The following BRINP2 variants were observed in gnomAD, a reference collection of about 807,000 sequenced individuals.
BRINP2 encodes the protein BMP/retinoic acid inducible neural specific 2.
Under a neutral mutation model 69.2 loss-of-function variants are expected in BRINP2, and 21 were observed. The observed-to-expected ratio is 0.30, with a 90% CI of 0.22 to 0.44. BRINP2 has a LOEUF of 0.44. Ranked by LOEUF, BRINP2 falls within the 20% of genes least tolerant of loss-of-function variation. The probability of loss-of-function intolerance (pLI) is 1.00; values close to 1 mark genes in which losing one functional copy is unlikely to be tolerated. For missense variants in BRINP2, 877 were observed against 986.0 expected (o/e 0.89, Z 1.48); for synonymous variants, 380 against 394.1 (o/e 0.96, Z 0.42).
chr1:177,230,237 C>A (rs1175840983), intron 2 of BRINP2, 92 bp downstream of exon 2: 3 of 1,377,998 alleles, frequency 2.2e-6, no homozygotes, highest in Admixed American at 5.0e-5. Context: ...CCTAAACAGG[C>A]TGGAATGCCC....
At chr1:177,229,777 A>G (rs1649806244) in intron 1 of BRINP2, 24 bp from the exon 2 acceptor site, 4 of 1,474,400 alleles carry the variant, frequency 2.7e-6, no homozygotes, top group South Asian at 2.8e-5. Flanking sequence ...TGCTCAAATG[A>G]CAATGCCTTT....
At chr1:177,189,093 G>A (rs1648514479) in intron 1 of BRINP2, among the ~76,000 whole-genome samples, 1 of 152,246 alleles carries the variant, frequency 6.6e-6, no homozygotes, top group Non-Finnish European at 1.5e-5. Context: ...CTTTAATGCA[G>A]TCATAACTAT....
chr1:177,235,283 G>A (rs947738956), intron 2 of BRINP2, among the ~76,000 whole-genome samples: 4 of 152,142 alleles, frequency 2.6e-5, no homozygotes, highest in African/African-American at 4.8e-5. Flanking sequence ...AGATGGAGAC[G>A]GGAGCAAAAA....
chr1:177,225,160 A>C (rs1395205146), intron 1 of BRINP2, among the ~76,000 whole-genome samples: 1 of 152,214 alleles, frequency 6.6e-6, no homozygotes, highest in East Asian at 1.9e-4. Flanking sequence ...AAGCTCTACC[A>C]TTTGAAGACT....
intron 2 of BRINP2, among the ~76,000 whole-genome samples, chr1:177,248,495 G>A (rs554548973): frequency 2.7e-5 from 4 of 149,790 alleles, no homozygotes; most frequent in East Asian, 2.0e-4. Context: ...GTGTGCGTGC[G>A]TGTGTGTGTG....
At chr1:177,268,169 G>T (rs1178686466) in intron 4 of BRINP2, among the ~76,000 whole-genome samples, 1 of 152,160 alleles carries the variant, frequency 6.6e-6, no homozygotes, top group African/African-American at 2.4e-5. Flanking sequence ...CACTTTATGG[G>T]ATTGACATGC....
At chr1:177,224,021 C>A (rs1649621644) in intron 1 of BRINP2, among the ~76,000 whole-genome samples, 1 of 152,260 alleles carries the variant, frequency 6.6e-6, no homozygotes, top group South Asian at 2.1e-4. Context: ...CTTATTGCAA[C>A]AAGAGGGAAG....
chr1:177,280,418 G>A lies in BRINP2; in HGVS notation c.1242G>A (p.Leu414=). 2 of 1,604,484 alleles carry A rather than the reference G, an allele frequency of 1.2e-6. No homozygotes were observed. Among genetic ancestry groups the A allele is most frequent in the Non-Finnish European group, 1.7e-6 (2 of 1,175,050 alleles). ...PRFRLPKERS[L]SYWWNRIQSL... ...TTTATCTCTGCTCCCCAAGGTCCTTGTCCTACTGGTGGAACCGAATCCAGT... is the reference window on the plus strand; with the variant it reads ...TTTATCTCTGCTCCCCAAGGTCCTTATCCTACTGGTGGAACCGAATCCAGT... Residue 414 remains leucine (L), a synonymous_variant, in exon 8 of 8, where the codon TTG becomes TTA. Coordinates refer to ENST00000361539, the MANE Select transcript of BRINP2 (RefSeq NM_021165.4).
At chr1:177,181,058 A>G (rs187251932) in intron 1 of BRINP2, among the ~76,000 whole-genome samples, 70 of 152,274 alleles carry the variant, frequency 4.6e-4, no homozygotes, top group African/African-American at 1.6e-3. Flanking sequence ...AGTAGATACT[A>G]TTATTCTCGT....
At chr1:177,185,791 A>T (rs998981491) in intron 1 of BRINP2, among the ~76,000 whole-genome samples, 1 of 152,164 alleles carries the variant, frequency 6.6e-6, no homozygotes, top group Non-Finnish European at 1.5e-5. Flanking sequence ...GTGCCTTGAG[A>T]GCCTACCCTG....
At chr1:177,209,316 C>T (rs1469099654) in intron 1 of BRINP2, among the ~76,000 whole-genome samples, 6 of 152,086 alleles carry the variant, frequency 3.9e-5, no homozygotes, top group African/African-American at 1.4e-4. Context: ...CTCCCTAGGC[C>T]CTCCACACCA....
At chr1:177,254,350 A>C (rs191695764) in intron 2 of BRINP2, among the ~76,000 whole-genome samples, 75 of 151,316 alleles carry the variant, frequency 5.0e-4, no homozygotes, top group Non-Finnish European at 8.0e-4. Flanking sequence ...ATCATTACAC[A>C]CTTGCACCTA....
chr1:177,198,589 T>A (rs1018996443), intron 1 of BRINP2, among the ~76,000 whole-genome samples: 7 of 152,092 alleles, frequency 4.6e-5, no homozygotes, highest in African/African-American at 7.2e-5. Context: ...CCACCTTTTT[T>A]AAAAAATGGG....
chr1:177,281,377 G>A lies in BRINP2; in HGVS notation c.2201G>A (p.Gly734Asp). ...RDRVNQLSPP[G>D]KVRLDLFSCL... Reference sequence around the variant, plus strand: ...CGGGTGAACCAGCTTTCTCCACCTGGCAAAGTCCGACTTGACCTTTTCTCC... The same window carrying A: ...CGGGTGAACCAGCTTTCTCCACCTGACAAAGTCCGACTTGACCTTTTCTCC... The change falls in exon 8 of 8, where the codon GGC (glycine) becomes GAC (aspartate). Residue 734 changes from glycine (G) to aspartate (D), a missense_variant. Physicochemically the swap from Gly to Asp is moderately conservative, Grantham distance 94. Around this residue, in one of 3 missense-constraint regions of BRINP2, gnomAD observed 225 missense variants for 218.7 expected, o/e 1.03. Coordinates refer to ENST00000361539, the MANE Select transcript of BRINP2 (RefSeq NM_021165.4). 6.2e-7 allele frequency: 1 copy of A among 1,614,112 alleles called. No homozygotes were observed. The highest frequency in any genetic ancestry group is 8.5e-7 in the Non-Finnish European group (1 of 1,180,032).
In BRINP2 at chr1:177,278,793, C is replaced by T. The variant is rs753211644; in HGVS notation, c.1235+8C>T. Reference sequence around the variant, plus strand: ...CCGCCTGCCCAAGGAGAGGTGAGCACCCCCTGGCTGCTACAGCCAGAGCTC... The same window carrying T: ...CCGCCTGCCCAAGGAGAGGTGAGCATCCCCTGGCTGCTACAGCCAGAGCTC... On this transcript the variant is annotated splice_region_variant and intron_variant, in intron 7 of 7. Coordinates refer to ENST00000361539, the MANE Select transcript of BRINP2 (RefSeq NM_021165.4). The T allele has an allele frequency of 1.2e-6, 2 of 1,613,138 alleles. No homozygotes were observed. Among genetic ancestry groups the T allele is most frequent in the Non-Finnish European group, 1.7e-6 (2 of 1,179,710 alleles).
chr1:177,211,136 G>A (rs941669394), intron 1 of BRINP2, among the ~76,000 whole-genome samples: 5 of 151,844 alleles, frequency 3.3e-5, no homozygotes, highest in Admixed American at 1.3e-4. Context: ...CAACGTCTAA[G>A]GTATTCCTCA....
Position 177,230,086 on chromosome 1 carries a change from G to A in BRINP2, c.210G>A (p.Glu70=), listed in dbSNP as rs146202383. The A allele has an allele frequency of 5.1e-5, 82 of 1,613,788 alleles. No individual in the cohort carries two copies. The African/African-American group carries it at 8.9e-4, about 18-fold the overall frequency. ...GGGGCCCCTTCCACCGCGCTCAGGA[G>A]TATGCTGACTTCATGGAGCGGTACC... ...TDRGPFHRAQ[E]YADFMERYRQ... is the part of the protein sequence containing the mutation. Residue 70 remains glutamate (E), a synonymous_variant, in exon 2 of 8, where the codon GAG becomes GAA. Coordinates refer to ENST00000361539, the MANE Select transcript of BRINP2 (RefSeq NM_021165.4).
At chr1:177,172,144 C>G (rs546093495) in intron 1 of BRINP2, among the ~76,000 whole-genome samples, 2 of 152,292 alleles carry the variant, frequency 1.3e-5, no homozygotes, top group South Asian at 4.1e-4. Flanking sequence ...GGGAAGGAGC[C>G]CAAAGAGCTG....
intron 4 of BRINP2, among the ~76,000 whole-genome samples, chr1:177,272,697 G>A (rs1651367149): frequency 6.6e-6 from 1 of 152,182 alleles, no homozygotes; most frequent in Admixed American, 6.5e-5. Flanking sequence ...ATTAAACAGT[G>A]GCTGCTCAAT....
Sources: gnomAD v4.1 joint callset for allele counts (sites outside exome capture counted in the v4.1 genomes callset) on GRCh38, gnomAD v4.1.1 for gene constraint, gnomAD v4.1.1 regional missense constraint, MANE v1.5 for transcripts, NCBI Gene and HGNC (gene_info 2026-07-23, HGNC 2026-07-21) for gene names.